The following FAM169A variants were observed in gnomAD, a reference collection of about 807,000 sequenced individuals.
The protein encoded by FAM169A is family with sequence similarity 169 member A.
FAM169A carries 24 observed loss-of-function variants against 75.7 expected under a neutral mutation model. That is an observed-to-expected ratio of 0.32 (90% CI 0.23 to 0.45). The LOEUF is 0.45. Ranked by LOEUF, FAM169A falls within the 20% of genes least tolerant of loss-of-function variation. The pLI is 1.00. For missense variants in FAM169A, 673 were observed against 784.0 expected, an observed-to-expected ratio of 0.86 and a Z score of 1.69; for synonymous variants, 271 against 271.0, an observed-to-expected ratio of 1.00 and a Z score of 0.00.
chr5:74,850,897 C>T lies in FAM169A; in HGVS notation c.-3-9218G>A, dbSNP rs142720305. Among the ~76,000 whole-genome samples, 1,286 of 152,194 alleles carry T rather than the reference C, an allele frequency of 8.4e-3. 8 individuals are homozygous for T. Among genetic ancestry groups the T allele is most frequent in the Non-Finnish European group, 0.011 (732 of 67,994 alleles). On this transcript the variant is annotated intron_variant, in intron 1 of 12. Coordinates refer to ENST00000687041, the MANE Select transcript of FAM169A (RefSeq NM_001376049.1). Reference sequence around the variant, plus strand: ...ACTTCTTTTTTTGAAAAAATGCCTACTTGCATTAGTTTTTTGCTTTGTTTT... The same window carrying T: ...ACTTCTTTTTTTGAAAAAATGCCTATTTGCATTAGTTTTTTGCTTTGTTTT...
chr5:74,784,918 CAAA>C (rs869156232), intron 11 of FAM169A, among the ~76,000 whole-genome samples: 3 of 61,798 alleles, frequency 4.9e-5, no homozygotes, highest in African/African-American at 4.7e-5. Context: ...GACTCCGTCT[CAAA>C]AAAAAAAAAA....
chr5:74,821,334 G>A (rs1043827887), intron 5 of FAM169A, among the ~76,000 whole-genome samples: 2 of 152,220 alleles, frequency 1.3e-5, no homozygotes, highest in Middle Eastern at 3.4e-3. Context: ...TCTATGTATT[G>A]AATTCAAGAA....
Position 74,782,921 on chromosome 5 carries a change from G to GC in FAM169A, c.1464+9dup. ...AAACTTTATTAAAAAATAGCTCATTGCCCCCTTACCTTATCTGGTGCATCT... is the reference window on the plus strand; with the variant it reads ...AAACTTTATTAAAAAATAGCTCATTGCCCCCCTTACCTTATCTGGTGCATCT... On this transcript the variant is annotated intron_variant, in intron 12 of 12. Transcript: ENST00000687041. 6.3e-7 allele frequency: 1 copy of GC among 1,594,072 alleles called. No individual in the cohort carries two copies. Among genetic ancestry groups the GC allele is most frequent in the Non-Finnish European group, 8.6e-7 (1 of 1,165,496 alleles).
rs1037649449 is a variant in FAM169A, at chr5:74,779,382, T to C, written c.*2078A>G. ...AATTAGCATGGCCCCTGTGCAAGGA[T>C]GACACAAATTCATGAAGCGTTTCCA... On this transcript the variant is annotated 3_prime_UTR_variant, in exon 13 of 13. Coordinates refer to ENST00000687041, the MANE Select transcript of FAM169A (RefSeq NM_001376049.1). 4 of 152,136 alleles carry C rather than the reference T, an allele frequency of 2.6e-5. No homozygotes were observed. Among genetic ancestry groups the C allele is most frequent in the African/African-American group, 9.7e-5 (4 of 41,450 alleles). 9.4% of individuals were successfully genotyped at this position (152,136 alleles called of 1,614,324 possible). A position where few individuals can be genotyped will look rare whatever the true frequency, so the allele number is the denominator to read the frequency against.
intron 6 of FAM169A, among the ~76,000 whole-genome samples, chr5:74,805,607 T>TG (rs1373132348): frequency 5.0e-5 from 7 of 140,984 alleles, no homozygotes; most frequent in Non-Finnish European, 1.1e-4. Context: ...CTCGGCTCAC[T>TG]GCAACCTCCG....
intron 11 of FAM169A, among the ~76,000 whole-genome samples, chr5:74,787,217 G>T (rs938769212): frequency 1.3e-5 from 2 of 152,166 alleles, no homozygotes; most frequent in African/African-American, 4.8e-5. Context: ...CATAGAGTTC[G>T]ATCAGGCTGA....
intron 5 of FAM169A, among the ~76,000 whole-genome samples, chr5:74,818,799 C>CTATATA (rs1171146661): frequency 7.5e-4 from 95 of 125,968 alleles, no homozygotes; most frequent in East Asian, 3.8e-3. Context: ...CTCTCTCTCT[C>CTATATA]TCTCTATATA....
intron 1 of FAM169A, among the ~76,000 whole-genome samples, chr5:74,844,595 G>C (rs1410865054): frequency 6.6e-6 from 1 of 152,176 alleles, no homozygotes; most frequent in Non-Finnish European, 1.5e-5. Flanking sequence ...TGAGGCAGGC[G>C]GATCACAAGG....
intron 1 of FAM169A, among the ~76,000 whole-genome samples, chr5:74,851,660 A>G (rs534052094): frequency 6.6e-6 from 1 of 152,340 alleles, no homozygotes; most frequent in African/African-American, 2.4e-5. Context: ...GTAGTACAGT[A>G]AAGTAATACA....
At chr5:74,845,374 C>T (rs1397026331) in intron 1 of FAM169A, among the ~76,000 whole-genome samples, 1 of 151,852 alleles carries the variant, frequency 6.6e-6, no homozygotes, top group East Asian at 1.9e-4. Flanking sequence ...AAAAATTAGC[C>T]GGGCGTGGTA....
Position 74,779,822 on chromosome 5 carries a change from C to T in FAM169A, c.*1638G>A, listed in dbSNP as rs1336359393. On this transcript the variant is annotated 3_prime_UTR_variant, in exon 13 of 13. Transcript: ENST00000687041. ...TAAGATTTTAACTTGATCGAAAATA[C>T]CAACATCCCCAAACAAAATTTACTG... 1 of 152,112 alleles carries T rather than the reference C, an allele frequency of 6.6e-6. No homozygotes were observed. The highest frequency in any genetic ancestry group is 2.4e-5 in the African/African-American group (1 of 41,424). 9.4% of individuals were successfully genotyped at this position (152,112 alleles called of 1,614,324 possible).
chr5:74,779,004 A>G lies in FAM169A; in HGVS notation c.*2456T>C, dbSNP rs550962017. On this transcript the variant is annotated 3_prime_UTR_variant, in exon 13 of 13. Transcript: ENST00000687041. ...ACTCAAGTTACTGAACATGAGAGTT[A>G]GGTTTTTCCAAGTGATCTAACTTTT... 4.6e-5 allele frequency: 7 copies of G among 152,254 alleles called. No individual in the cohort carries two copies. Among genetic ancestry groups the G allele is most frequent in the African/African-American group, 1.7e-4 (7 of 41,580 alleles). 9.4% of individuals were successfully genotyped at this position (152,254 alleles called of 1,614,324 possible).
At chr5:74,854,248 A>G (rs890886675) in intron 1 of FAM169A, among the ~76,000 whole-genome samples, 23 of 152,244 alleles carry the variant, frequency 1.5e-4, no homozygotes, top group African/African-American at 5.5e-4. Context: ...ACAAAAAATT[A>G]GCCAGGTATG....
chr5:74,820,442 T>C (rs990895009), intron 5 of FAM169A, among the ~76,000 whole-genome samples: 1 of 152,180 alleles, frequency 6.6e-6, no homozygotes, highest in Non-Finnish European at 1.5e-5. Context: ...AAACCTACTC[T>C]ACCTAGTTTA....
intron 1 of FAM169A, chr5:74,848,511 T>TA (rs1346896730): frequency 7.2e-5 from 11 of 152,192 alleles, no homozygotes; most frequent in African/African-American, 2.7e-4. Flanking sequence ...AACGATTATA[T>TA]TATTAAATAT....
intron 8 of FAM169A, among the ~76,000 whole-genome samples, chr5:74,803,292 T>C (rs1158359221): frequency 6.6e-6 from 1 of 152,120 alleles, no homozygotes; most frequent in African/African-American, 2.4e-5. Flanking sequence ...ACTAAATGAA[T>C]CTGTGTATCT....
At chr5:74,858,671 C>T (rs1277936719) in intron 1 of FAM169A, among the ~76,000 whole-genome samples, 4 of 152,068 alleles carry the variant, frequency 2.6e-5, no homozygotes, top group African/African-American at 9.7e-5. Context: ...ATTTGTACAC[C>T]AAACCCCAGC....
chr5:74,828,933 ACTC>A (rs1188849751), intron 5 of FAM169A, among the ~76,000 whole-genome samples: 1 of 152,028 alleles, frequency 6.6e-6, no homozygotes, highest in Non-Finnish European at 1.5e-5. Context: ...AGCAATATAA[ACTC>A]CTCAACATGC....
At chr5:74,803,138 T>A (rs1471186158) in intron 8 of FAM169A, among the ~76,000 whole-genome samples, 1 of 152,166 alleles carries the variant, frequency 6.6e-6, no homozygotes, top group Non-Finnish European at 1.5e-5. Context: ...CTGTCAACTG[T>A]ATGATATAGT....
Sources: allele counts gnomAD v4.1 joint callset (sites outside exome capture counted in the v4.1 genomes callset), GRCh38; gene constraint gnomAD v4.1.1; transcripts MANE v1.5; gene names NCBI Gene and HGNC (gene_info 2026-07-23, HGNC 2026-07-21).